Variants in VPS35 observed in about 807,000 individuals in gnomAD.
VPS35 encodes VPS35 retromer complex component.
Under a neutral mutation model 98.1 loss-of-function variants are expected in VPS35, and 21 were observed. The ratio of observed to expected loss-of-function variants is 0.21; its 90% CI spans 0.15 to 0.31. VPS35 has a LOEUF of 0.31. Among genes scored for constraint, VPS35 ranks in the 10% least tolerant of loss-of-function variants. The pLI, the probability that VPS35 is intolerant of heterozygous loss-of-function variation, is 1.00. For missense variants in VPS35, 554 were observed against 950.8 expected (o/e 0.58, Z 5.49); for synonymous variants, 268 against 318.2 (o/e 0.84, Z 1.68).
At chr16:46,666,548 G>A (rs775987946) in intron 13 of VPS35, among the ~76,000 whole-genome samples, 28 of 151,988 alleles carry the variant, frequency 1.8e-4, no homozygotes, top group Non-Finnish European at 3.4e-4. Context: ...GATTACAGGC[G>A]TGAGCCCCCA....
chr16:46,669,869 T>C (rs993363209), intron 12 of VPS35, among the ~76,000 whole-genome samples: 10 of 152,144 alleles, frequency 6.6e-5, no homozygotes, highest in Non-Finnish European at 1.3e-4. Context: ...TACCACTACT[T>C]AGCACAAGGC....
In VPS35 at chr16:46,683,577, C is replaced by T. The variant is rs771229656; in HGVS notation, c.33G>A (p.Glu11=). Residue 11 remains glutamate, a synonymous_variant, in exon 2 of 17, where the codon GAG becomes GAA. Coordinates refer to ENST00000299138, the MANE Select transcript of VPS35 (RefSeq NM_018206.6). MPTTQQSPQD[E]QEKLLDEAIQ... is the part of the protein sequence containing the mutation. ...TGGCTTCATCCAAGAGCTTTTCCTG[C>T]TCATCCTGAGGGGACTGCTGTGTTG... is the stretch of plus-strand genomic sequence containing the variant. The T allele has an allele frequency of 3.7e-6, 6 of 1,613,814 alleles. No individual in the cohort carries two copies. The Admixed American group carries it at 1.0e-4, about 27-fold the overall frequency.
rs1252480324 is a variant in VPS35, at chr16:46,676,062, T to C, written c.914+521A>G. The stretch of plus-strand genomic sequence containing the variant: ...CTTGGGTGACAAGAGTGAGGATCTG[T>C]CTCAAAAAAAAAAAAAAAAAAAAAA... On this transcript the variant is annotated intron_variant, in intron 8 of 16. Transcript: ENST00000299138. Among the ~76,000 whole-genome samples the C allele has an allele frequency of 1.5e-4, 5 of 33,412 alleles. No individual in the cohort carries two copies. In the South Asian group the frequency reaches 9.2e-3, roughly 62 times the overall value. 21.9% of individuals were successfully genotyped at this position (33,412 alleles called of 152,430 possible).
At position 46,662,365 on chromosome 16, in the gene VPS35, G is replaced by A. The variant is rs145406665; in HGVS notation, c.1945C>T (p.Leu649=). The A allele has an allele frequency of 2.7e-5, 44 of 1,614,194 alleles. No individual in the cohort carries two copies. The African/African-American group carries it at 4.5e-4, about 17-fold the overall frequency. Residue 649 remains leucine (L), a synonymous_variant, in exon 15 of 17, where the codon CTG becomes TTG. Transcript: ENST00000299138. ...GCAGCAAGGGCACACTGAGTCCTCA[G>A]AGGTTCGTGATTCTCTTCACTGAAG... is the stretch of plus-strand genomic sequence containing the variant. ...KCFSEENHEP[L]RTQCALAASK... is the part of the protein sequence containing the mutation.
At chr16:46,660,675 C>A in intron 16 of VPS35, 24 bp from the exon 17 acceptor site, 2 of 1,606,668 alleles carry the variant, frequency 1.2e-6, no homozygotes, top group South Asian at 1.1e-5. Context: ...TGTACAAATT[C>A]ATGATCAAGC....
intron 13 of VPS35, among the ~76,000 whole-genome samples, chr16:46,666,251 G>A (rs1965987317): frequency 6.7e-6 from 1 of 149,584 alleles, no homozygotes; most frequent in Non-Finnish European, 1.5e-5. Flanking sequence ...GTACCACCAC[G>A]CCTGGCTAAT....
chr16:46,662,635 C>G (rs1965930269), intron 14 of VPS35, among the ~76,000 whole-genome samples, 153 bp from the exon 15 acceptor site: 1 of 152,172 alleles, frequency 6.6e-6, no homozygotes, highest in South Asian at 2.1e-4. Flanking sequence ...CCACAGGACA[C>G]AACTGAGATG....
rs1044153238 is a variant in VPS35 at position 46,661,880 on chromosome 16, G to A, written c.2068-19C>T. Reference sequence around the variant, plus strand: ...CGTGAAGCTAAAATAAAAGGGCAGGGGGACAGTGAAGAGATTAATGAAACA... The same window carrying A: ...CGTGAAGCTAAAATAAAAGGGCAGGAGGACAGTGAAGAGATTAATGAAACA... On this transcript the variant is annotated intron_variant, in intron 15 of 16. Transcript: ENST00000299138. This position sits in a 1 kb window ranked among gnomAD's most constrained non-coding sequence, Gnocchi z 4.3. 1.2e-6 allele frequency: 2 copies of A among 1,613,980 alleles called. No homozygotes were observed. The highest frequency in any genetic ancestry group is 1.7e-4 in the Middle Eastern group (1 of 6,060).
At chr16:46,680,134 C>T (rs190452008) in intron 5 of VPS35, among the ~76,000 whole-genome samples, 1 of 152,312 alleles carries the variant, frequency 6.6e-6, no homozygotes, top group East Asian at 1.9e-4. Flanking sequence ...GATAAAAGTA[C>T]AGTAGACTTT....
chr16:46,681,871 A>T, intron 3 of VPS35: 2 of 576,032 alleles, frequency 3.5e-6, no homozygotes, highest in East Asian at 5.9e-5. Flanking sequence ...TGCACCGACA[A>T]CACATTTAAA....
intron 3 of VPS35, 64 bp from the exon 4 acceptor site, chr16:46,681,564 G>A (rs1280260308): frequency 1.9e-6 from 3 of 1,583,038 alleles, no homozygotes; most frequent in African/African-American, 2.7e-5. Context: ...TTTGAAACTT[G>A]TTGGAGTCAT....
rs765025576 is a variant in VPS35 at position 46,662,178 on chromosome 16, AG to A, written c.2067+64del. On this transcript the variant is annotated intron_variant, in intron 15 of 16. Transcript: ENST00000299138. ...CCAAATGTTTCACCTCCAGAACACA[AG>A]GCCATGACAACTGATCCCTGTTATG... The A allele has an allele frequency of 8.7e-6, 14 of 1,612,278 alleles. No individual in the cohort carries two copies. The African/African-American group carries it at 1.9e-4, about 22-fold the overall frequency.
chr16:46,681,314 T>A, intron 4 of VPS35, 63 bp downstream of exon 4: 1 of 1,606,644 alleles, frequency 6.2e-7, no homozygotes, highest in Admixed American at 1.7e-5. Flanking sequence ...CTGATAATCA[T>A]AAAAGACGTA....
chr16:46,686,737 C>T (rs1471114168), intron 1 of VPS35, among the ~76,000 whole-genome samples: 2 of 152,144 alleles, frequency 1.3e-5, no homozygotes, highest in African/African-American at 4.8e-5. Context: ...CCAATGTTTC[C>T]TCAATCATGA....
At chr16:46,683,701 TC>T in intron 1 of VPS35, 95 bp from the exon 2 acceptor site, 2 of 1,264,066 alleles carry the variant, frequency 1.6e-6, no homozygotes, top group Non-Finnish European at 2.2e-6. Context: ...TCCAACAATG[TC>T]CAGCTCTATA....
Position 46,660,189 on chromosome 16 carries a change from G to GTTTTTTTTTTT in VPS35, c.*282_*283insAAAAAAAAAAA, listed in dbSNP as rs369756092. ...GCCAAGATAAGTGCTTGTGGGTTTT[G>GTTTTTTTTTTT]TGTTTTTTTTTTTTTTTTTTTTTAC... is the stretch of plus-strand genomic sequence containing the variant. On this transcript the variant is annotated 3_prime_UTR_variant, in exon 17 of 17. Coordinates refer to ENST00000299138, the MANE Select transcript of VPS35 (RefSeq NM_018206.6). 51 of 98,314 alleles carry GTTTTTTTTTTT rather than the reference G, an allele frequency of 5.2e-4. 17 individuals are homozygous for GTTTTTTTTTTT. In the South Asian group the frequency reaches 6.6e-3, roughly 13 times the overall value. 6.1% of individuals were successfully genotyped at this position (98,314 alleles called of 1,614,324 possible). A position where few individuals can be genotyped will look rare whatever the true frequency, so the allele number is the denominator to read the frequency against.
rs1292478258 is a variant in VPS35 at position 46,661,195 on chromosome 16, CTG to C, written c.2211+521_2211+522del. Among the ~76,000 whole-genome samples the C allele has an allele frequency of 6.6e-6, 1 of 152,230 alleles. No individual in the cohort carries two copies. Among genetic ancestry groups the C allele is most frequent in the Non-Finnish European group, 1.5e-5 (1 of 68,024 alleles). ...TTTAACTTACAAATCTTGACCAAAA[CTG>C]TATTGCTAAAAGGATACTGCGTTTA... On this transcript the variant is annotated intron_variant, in intron 16 of 16. Transcript: ENST00000299138. This position sits in a 1 kb window ranked among gnomAD's most constrained non-coding sequence, Gnocchi z 4.3.
intron 1 of VPS35, among the ~76,000 whole-genome samples, chr16:46,687,676 C>A (rs1302479505): frequency 1.3e-5 from 2 of 152,128 alleles, no homozygotes; most frequent in Non-Finnish European, 2.9e-5. Flanking sequence ...CAGTCCGTGA[C>A]ACTGAAGGCA....
intron 4 of VPS35, among the ~76,000 whole-genome samples, 195 bp from the exon 5 acceptor site, chr16:46,681,048 C>CAT: frequency 6.6e-6 from 1 of 151,336 alleles, no homozygotes; most frequent in Non-Finnish European, 1.5e-5. Context: ...CACACACACA[C>CAT]ACACACACAC....
Sources: gnomAD v4.1 joint callset for allele counts (sites outside exome capture counted in the v4.1 genomes callset) on GRCh38, gnomAD v4.1.1 for gene constraint, Gnocchi (gnomAD v3.1) non-coding constraint, MANE v1.5 for transcripts, NCBI Gene and HGNC (gene_info 2026-07-23, HGNC 2026-07-21) for gene names.